The following COASY variants were observed in gnomAD, a reference collection of about 807,000 sequenced individuals.
COASY encodes bifunctional coenzyme A synthase.
COASY carries 31 observed loss-of-function variants against 49.4 expected under a neutral mutation model. That is an observed-to-expected ratio of 0.63 (90% CI 0.47 to 0.85). COASY has a LOEUF of 0.85. COASY is among the 40% of genes least tolerant of loss of function. The pLI is 0.00. For synonymous variants in COASY, 285 were observed against 310.9 expected (o/e 0.92, Z 0.88); for missense variants, 730 against 734.1 (o/e 0.99, Z 0.06).
Position 42,565,581 on chromosome 17 carries a change from A to AC in COASY, c.1485+19dup, listed in dbSNP as rs763420863. ...CCCAGAGACTGAGGTATCTCGCCCC[A>AC]CCCCCCACACCATCCCTACTGCAGA... On this transcript the variant is annotated intron_variant, in intron 7 of 8. Coordinates refer to ENST00000393818, the MANE Select transcript of COASY (RefSeq NM_025233.7). 1 of 1,613,544 alleles carries AC rather than the reference A, an allele frequency of 6.2e-7. No homozygotes were observed. The highest frequency in any genetic ancestry group is 2.2e-5 in the East Asian group (1 of 44,852).
chr17:42,562,670 C>T lies in COASY; in HGVS notation c.48C>T (p.Ala16=). The stretch of plus-strand genomic sequence containing the variant: ...TCCTGGTGCTGACGACGCCGCTGGC[C>T]TCCCTAGCCCCTCGCCTGGCCTCCA... The part of the protein sequence containing the change: ...SGLLVLTTPL[A]SLAPRLASIL... The change falls in exon 1 of 9, where the codon GCC becomes GCT. Residue 16 remains alanine, a synonymous_variant. Transcript: ENST00000393818. The T allele has an allele frequency of 6.6e-7, 1 of 1,526,696 alleles. No individual in the cohort carries two copies. Among genetic ancestry groups the T allele is most frequent in the Non-Finnish European group, 8.8e-7 (1 of 1,141,322 alleles). The allele number at this position is 1,526,696 out of a possible 1,614,324, so 94.6% of individuals were successfully genotyped here. A position where few individuals can be genotyped will look rare whatever the true frequency, so the allele number is the denominator to read the frequency against.
At position 42,566,069 on chromosome 17, in the gene COASY, G is replaced by C; in HGVS notation, c.*101G>C. On this transcript the variant is annotated 3_prime_UTR_variant, in exon 9 of 9. Transcript: ENST00000393818. Reference sequence around the variant, plus strand: ...TGCTCACCCTGGTTCAGGCCCAGAGGTCCAAGCTATACTGTGCAGGACATG... The same window carrying C: ...TGCTCACCCTGGTTCAGGCCCAGAGCTCCAAGCTATACTGTGCAGGACATG... 7.8e-7 allele frequency: 1 copy of C among 1,278,528 alleles called. No individual in the cohort carries two copies. Among genetic ancestry groups the C allele is most frequent in the East Asian group, 2.3e-5 (1 of 43,398 alleles). The allele number at this position is 1,278,528 out of a possible 1,614,324, so 79.2% of individuals were successfully genotyped here.
In COASY at chr17:42,562,861, A is replaced by C. The variant is rs544472330; in HGVS notation, c.239A>C (p.His80Pro). The C allele has an allele frequency of 3.1e-6, 5 of 1,613,282 alleles. No homozygotes were observed. The highest frequency in any genetic ancestry group is 4.2e-6 in the Non-Finnish European group (5 of 1,179,554). The part of the protein sequence containing the change: ...HLYAGADVHR[H>P]LDVRILLTNI... The stretch of plus-strand genomic sequence containing the variant: ...TATGCTGGCGCCGACGTCCACAGGC[A>C]CTTGGACGTCAGAATCCTACTGACC... Residue 80 changes from histidine (H) to proline (P), a missense_variant, in exon 1 of 9, where the codon CAC becomes CCC. Transcript: ENST00000393818.
In COASY at chr17:42,562,485, T is replaced by C; in HGVS notation, c.-138T>C. 6.2e-7 allele frequency: 1 copy of C among 1,613,658 alleles called. No homozygotes were observed. The highest frequency in any genetic ancestry group is 8.5e-7 in the Non-Finnish European group (1 of 1,179,812). ...GCCCCGTCCCCTCCCCCGGCTCCTG[T>C]CGGTCAGCACTGAAACCCCGTCCCT... On this transcript the variant is annotated 5_prime_UTR_variant, in exon 1 of 9. Transcript: ENST00000393818.
rs2092985066 is a variant in COASY, at chr17:42,563,080, A to C, written c.458A>C (p.Tyr153Ser). ...CCPRLASVLL[Y>S]SDYGIGEVPV... ...CCGCGACTGGCCTCGGTGCTGCTAT[A>C]CTCCGATTATGGGATAGGAGAAGTG... The change falls in exon 1 of 9, where the codon TAC (tyrosine) becomes TCC (serine). Residue 153 changes from tyrosine to serine, a missense_variant. By Grantham distance (144) the Tyr-to-Ser change is moderately radical (BLOSUM62 -2). Transcript: ENST00000393818. 1 of 1,613,824 alleles carries C rather than the reference A, an allele frequency of 6.2e-7. No individual in the cohort carries two copies. Among genetic ancestry groups the C allele is most frequent in the South Asian group, 1.1e-5 (1 of 91,080 alleles).
rs762198022 is a variant in COASY, at chr17:42,565,647, G to A, written c.1486-12G>A. On this transcript the variant is annotated splice_polypyrimidine_tract_variant and intron_variant, in intron 7 of 8. Transcript: ENST00000393818. ...TGGAATTCTTCCTGACAAATGTCTC[G>A]TCTGTGCTCAGGCTGTAAGACGCAT... 8.7e-6 allele frequency: 14 copies of A among 1,613,946 alleles called. No homozygotes were observed. The highest frequency in any genetic ancestry group is 6.7e-5 in the Admixed American group (4 of 60,000).
chr17:42,566,055 G>T lies in COASY; in HGVS notation c.*87G>T. On this transcript the variant is annotated 3_prime_UTR_variant, in exon 9 of 9. Transcript: ENST00000393818. ...AATGGGGGCCTTGATGCTCACCCTG[G>T]TTCAGGCCCAGAGGTCCAAGCTATA... The T allele has an allele frequency of 7.0e-7, 1 of 1,422,798 alleles. No individual in the cohort carries two copies. The highest frequency in any genetic ancestry group is 9.9e-7 in the Non-Finnish European group (1 of 1,009,218). The allele number at this position is 1,422,798 out of a possible 1,614,324, so 88.1% of individuals were successfully genotyped here.
rs1388067022 is a variant in COASY at position 42,564,904 on chromosome 17, A to T, written c.1237+6A>T. On this transcript the variant is annotated splice_donor_region_variant and intron_variant, in intron 4 of 8. Transcript: ENST00000393818. ...GGTGGAGGCCTTTGGAACAGGTAAT[A>T]ACTGGGGAAGGCTGAAAGTGGCCTG... 6.2e-7 allele frequency: 1 copy of T among 1,613,394 alleles called. No individual in the cohort carries two copies. The highest frequency in any genetic ancestry group is 2.2e-5 in the East Asian group (1 of 44,868).
chr17:42,564,113 C>T lies in COASY; in HGVS notation c.853C>T (p.Leu285=), dbSNP rs1472585944. ...PAGSDPSLEF[L]VVSEETYRGG... ...TGGCTCTGACCCCTCCCTGGAGTTC[C>T]TGGTGGTCAGCGAGGAGACCTATCG... Residue 285 remains leucine, a synonymous_variant, in exon 2 of 9, where the codon CTG becomes TTG. Coordinates refer to ENST00000393818, the MANE Select transcript of COASY (RefSeq NM_025233.7). The T allele has an allele frequency of 6.2e-7, 1 of 1,614,142 alleles. No individual in the cohort carries two copies. Among genetic ancestry groups the T allele is most frequent in the Non-Finnish European group, 8.5e-7 (1 of 1,180,018 alleles).
rs761370789 is a variant in COASY, at chr17:42,564,934, G to A, written c.1237+36G>A. ...GGGAAGGCTGAAAGTGGCCTGGAGT[G>A]AGGAGCTAGCCAGGCCTCTGTGCTC... On this transcript the variant is annotated intron_variant, in intron 4 of 8. Coordinates refer to ENST00000393818, the MANE Select transcript of COASY (RefSeq NM_025233.7). 6 of 1,614,130 alleles carry A rather than the reference G, an allele frequency of 3.7e-6. No individual in the cohort carries two copies. The South Asian group carries it at 5.5e-5, about 15-fold the overall frequency.
chr17:42,565,848 C>A, intron 8 of COASY, 43 bp downstream of exon 8: 1 of 1,613,970 alleles, frequency 6.2e-7, no homozygotes, highest in South Asian at 1.1e-5. Context: ...AAGGAGTCTC[C>A]AGTGGGTACT....
At chr17:42,564,391 G>A (rs927510977) in intron 2 of COASY, 55 bp from the exon 3 acceptor site, 1 of 1,612,062 alleles carries the variant, frequency 6.2e-7, no homozygotes, top group East Asian at 2.2e-5. Context: ...TTGGATGTCA[G>A]GGTCTTCCTC....
intron 1 of COASY, 121 bp downstream of exon 1, chr17:42,563,443 C>A: frequency 1.1e-6 from 1 of 951,640 alleles, no homozygotes; most frequent in Non-Finnish European, 1.5e-6. Context: ...CCAAATGTCA[C>A]AGTGGTTGAC....
chr17:42,564,359 A>G (rs972068177), intron 2 of COASY, 87 bp from the exon 3 acceptor site: 1 of 1,586,434 alleles, frequency 6.3e-7, no homozygotes, highest in Middle Eastern at 1.7e-4. Context: ...CCTGGGTAGG[A>G]AGGGGAGGAT....
In COASY at chr17:42,562,481, C is replaced by A; in HGVS notation, c.-142C>A. 1 of 1,613,818 alleles carries A rather than the reference C, an allele frequency of 6.2e-7. No individual in the cohort carries two copies. Among genetic ancestry groups the A allele is most frequent in the South Asian group, 1.1e-5 (1 of 91,086 alleles). On this transcript the variant is annotated 5_prime_UTR_variant, in exon 1 of 9. Coordinates refer to ENST00000393818, the MANE Select transcript of COASY (RefSeq NM_025233.7). The stretch of plus-strand genomic sequence containing the variant: ...CCAGGCCCCGTCCCCTCCCCCGGCT[C>A]CTGTCGGTCAGCACTGAAACCCCGT...
intron 1 of COASY, chr17:42,563,587 C>T: frequency 3.8e-6 from 2 of 532,086 alleles, no homozygotes; most frequent in South Asian, 2.5e-5. Flanking sequence ...GGTGATACAC[C>T]CTAATGAGAC....
rs375859066 is a variant in COASY at position 42,562,676 on chromosome 17, A to T, written c.54A>T (p.Leu18=). The T allele has an allele frequency of 1.3e-6, 2 of 1,537,480 alleles. No homozygotes were observed. Among genetic ancestry groups the T allele is most frequent in the Non-Finnish European group, 1.7e-6 (2 of 1,144,972 alleles). ...LLVLTTPLAS[L]APRLASILTS... is the part of the protein sequence containing the mutation. ...TGCTGACGACGCCGCTGGCCTCCCT[A>T]GCCCCTCGCCTGGCCTCCATCCTGA... Residue 18 remains leucine (L), a synonymous_variant, in exon 1 of 9, where the codon CTA becomes CTT. Transcript: ENST00000393818.
chr17:42,563,685 T>C, intron 1 of COASY: 1 of 522,044 alleles, frequency 1.9e-6, no homozygotes, highest in African/African-American at 1.9e-5. Context: ...CTTGGAATTT[T>C]CCATCTGCCT....
Position 42,562,758 on chromosome 17 carries a change from A to G in COASY, c.136A>G (p.Ser46Gly). 6.3e-7 allele frequency: 1 copy of G among 1,597,858 alleles called. No homozygotes were observed. Among genetic ancestry groups the G allele is most frequent in the East Asian group, 2.2e-5 (1 of 44,466 alleles). ...CTATGTTCACCTGCAGCCGGGCATG[A>G]GCCTGGAGGGCCCGGCTCAGCCCCA... ...TLYVHLQPGM[S>G]LEGPAQPQSS... Residue 46 changes from serine to glycine, a missense_variant, in exon 1 of 9, where the codon AGC becomes GGC. Physicochemically the swap from Ser to Gly is moderately conservative, Grantham distance 56. Coordinates refer to ENST00000393818, the MANE Select transcript of COASY (RefSeq NM_025233.7).
Sources: allele counts gnomAD v4.1 joint callset, GRCh38; gene constraint gnomAD v4.1.1; transcripts MANE v1.5; gene names NCBI Gene and HGNC (gene_info 2026-07-23, HGNC 2026-07-21).